The following FRMD6 variants were observed in gnomAD, a reference collection of about 807,000 sequenced individuals.
The protein encoded by FRMD6 is FERM domain containing 6, also known as FERM domain-containing protein 6.
In FRMD6, 37 loss-of-function variants were observed where a neutral mutation model predicts 73.2. That is an observed-to-expected ratio of 0.51 (90% CI 0.39 to 0.66). The LOEUF is 0.66. Among genes scored for constraint, FRMD6 ranks in the 30% least tolerant of loss-of-function variants. The probability of loss-of-function intolerance (pLI) is 0.00; values close to 1 mark genes in which losing one functional copy is unlikely to be tolerated. For synonymous variants in FRMD6, 273 were observed against 282.2 expected, an observed-to-expected ratio of 0.97 and a Z score of 0.33; for missense variants, 714 against 780.5, an observed-to-expected ratio of 0.91 and a Z score of 1.02.
intron 1 of FRMD6, among the ~76,000 whole-genome samples, chr14:51,498,689 C>T (rs962250217): frequency 1.3e-5 from 2 of 152,092 alleles, no homozygotes; most frequent in African/African-American, 4.8e-5. Context: ...GAGTACAGTA[C>T]AAGCTTCAAC....
chr14:51,656,429 T>C (rs1030791676), intron 1 of FRMD6, among the ~76,000 whole-genome samples: 1 of 148,024 alleles, frequency 6.8e-6, no homozygotes, highest in Non-Finnish European at 1.5e-5. Context: ...TTTTTTTTTT[T>C]CTGAGGCGGA....
chr14:51,494,658 T>C (rs1293054117), intron 1 of FRMD6, among the ~76,000 whole-genome samples: 1 of 152,182 alleles, frequency 6.6e-6, no homozygotes, highest in African/African-American at 2.4e-5. Flanking sequence ...TCTAGGGTCA[T>C]GGGGGCAGCC....
chr14:51,633,540 G>A (rs1891419635), intron 2 of FRMD6, among the ~76,000 whole-genome samples: 1 of 136,940 alleles, frequency 7.3e-6, no homozygotes, highest in Non-Finnish European at 1.5e-5. Context: ...GGTGGAGACT[G>A]CAGTGAGCTA....
the FRMD6 span, among the ~76,000 whole-genome samples, chr14:51,462,199 G>C: frequency 1.3e-5 from 2 of 152,218 alleles, no homozygotes; most frequent in African/African-American, 4.8e-5. Context: ...AGTGGACTCT[G>C]GCTCTGGTCC....
chr14:51,714,525 C>T (rs1401628196), intron 9 of FRMD6: 1 of 152,280 alleles, frequency 6.6e-6, no homozygotes, highest in East Asian at 1.9e-4. Context: ...CATAATATCC[C>T]ATAACTGTAA....
the FRMD6 span, among the ~76,000 whole-genome samples, chr14:51,416,425 G>A: frequency 2.8e-4 from 43 of 152,146 alleles, no homozygotes; most frequent in Admixed American, 1.6e-3. Context: ...GTAGTCATTC[G>A]GGAGCAGGTT....
At chr14:51,397,799 A>T in the FRMD6 span, among the ~76,000 whole-genome samples, 4 of 152,230 alleles carry the variant, frequency 2.6e-5, no homozygotes, top group Non-Finnish European at 2.9e-5. Flanking sequence ...GCTTAAGATT[A>T]TTTAAAATAT....
At position 51,653,059 on chromosome 14, in the gene FRMD6, G is replaced by C. The variant is rs557183887; in HGVS notation, c.-147+1063G>C. Reference sequence around the variant, plus strand: ...TATTTTTTTACGCAAAATCTGTTTTGCCAGTATTTCCCTCAGGAGCTGTGC... The same window carrying C: ...TATTTTTTTACGCAAAATCTGTTTTCCCAGTATTTCCCTCAGGAGCTGTGC... On this transcript the variant is annotated intron_variant, in intron 1 of 13. Coordinates refer to ENST00000344768, the MANE Select transcript of FRMD6 (RefSeq NM_001267046.2). Among the ~76,000 whole-genome samples the C allele has an allele frequency of 2.0e-5, 3 of 152,108 alleles. No homozygotes were observed. The South Asian group carries it at 6.2e-4, about 32-fold the overall frequency.
chr14:51,713,305 A>G (rs1019842592), intron 9 of FRMD6, among the ~76,000 whole-genome samples: 1 of 152,098 alleles, frequency 6.6e-6, no homozygotes. Context: ...TAAAAATACA[A>G]AAATTAGTTG....
chr14:51,504,716 G>A (rs997753188), intron 1 of FRMD6, among the ~76,000 whole-genome samples: 1 of 152,084 alleles, frequency 6.6e-6, no homozygotes, highest in Admixed American at 6.6e-5. Flanking sequence ...GAATCAAATG[G>A]GTACTATCAA....
chr14:51,727,692 A>C (rs911469672), intron 13 of FRMD6, 53 bp from the exon 14 acceptor site: 1 of 1,514,992 alleles, frequency 6.6e-7, no homozygotes, highest in Non-Finnish European at 9.0e-7. Flanking sequence ...TTTACAAGGC[A>C]AATATTCTAA....
intron 1 of FRMD6, among the ~76,000 whole-genome samples, chr14:51,534,845 G>T (rs1185846987): frequency 6.6e-6 from 1 of 152,220 alleles, no homozygotes; most frequent in African/African-American, 2.4e-5. Context: ...GATGAGCCAG[G>T]CAGAGGAACC....
the FRMD6 span, among the ~76,000 whole-genome samples, chr14:51,434,552 T>C: frequency 1.4e-5 from 1 of 72,204 alleles, no homozygotes; most frequent in Non-Finnish European, 3.0e-5. Context: ...TGGCTCTAAA[T>C]TGACATGAGT....
chr14:51,520,803 G>A (rs767057544), intron 1 of FRMD6, among the ~76,000 whole-genome samples: 5 of 152,070 alleles, frequency 3.3e-5, no homozygotes, highest in South Asian at 2.1e-4. Context: ...CAGCTACTAC[G>A]GAGGCTGAGG....
At chr14:51,687,437 A>G (rs1895243131) in intron 1 of FRMD6, among the ~76,000 whole-genome samples, 3 of 152,186 alleles carry the variant, frequency 2.0e-5, no homozygotes, top group South Asian at 4.1e-4. Flanking sequence ...GAATATATCA[A>G]TATATAGGGG....
intron 2 of FRMD6, among the ~76,000 whole-genome samples, chr14:51,612,071 A>G (rs1172240943): frequency 6.6e-6 from 1 of 152,232 alleles, no homozygotes; most frequent in Non-Finnish European, 1.5e-5. Flanking sequence ...GTTTTCTAGT[A>G]TTCCATAATG....
At chr14:51,448,093 T>A in the FRMD6 span, among the ~76,000 whole-genome samples, 1 of 152,234 alleles carries the variant, frequency 6.6e-6, no homozygotes, top group Non-Finnish European at 1.5e-5. Flanking sequence ...CTCACCATGA[T>A]GGATTGTTTG....
intron 1 of FRMD6, among the ~76,000 whole-genome samples, chr14:51,686,823 T>A (rs1442971832): frequency 6.6e-6 from 1 of 152,136 alleles, no homozygotes; most frequent in Non-Finnish European, 1.5e-5. Context: ...ATAAATTTAA[T>A]CTAATTCTTT....
chr14:51,543,225 G>A lies in FRMD6; in HGVS notation c.-209-27123G>A, dbSNP rs560834667. Among the ~76,000 whole-genome samples the A allele has an allele frequency of 2.0e-5, 3 of 152,004 alleles. No individual in the cohort carries two copies. The South Asian group carries it at 6.2e-4, about 32-fold the overall frequency. ...TATTACCAAGATCCTATCTGTTGAGGATAGTATATTTCTGATAGCTAGATT... is the reference window on the plus strand; with the variant it reads ...TATTACCAAGATCCTATCTGTTGAGAATAGTATATTTCTGATAGCTAGATT... On this transcript the variant is annotated intron_variant, in intron 1 of 14. Transcript: ENST00000356218.
Sources: gnomAD v4.1 joint callset for allele counts (sites outside exome capture counted in the v4.1 genomes callset) on GRCh38, gnomAD v4.1.1 for gene constraint, MANE v1.5 for transcripts, NCBI Gene and HGNC (gene_info 2026-07-23, HGNC 2026-07-21) for gene names.